The following PHRF1 variants were observed in gnomAD, a reference collection of about 807,000 sequenced individuals.
The protein encoded by PHRF1 is PHD and RING finger domain-containing protein 1.
A neutral mutation model predicts 128.9 loss-of-function variants in PHRF1; 53 were observed. The observed-to-expected ratio is 0.41, with a 90% CI of 0.33 to 0.52. The LOEUF (loss-of-function observed/expected upper bound fraction) is 0.52, where lower values mean the gene tolerates loss of function less well. PHRF1 is among the 20% of genes least tolerant of loss of function. PHRF1 has a pLI of 0.21. For synonymous variants in PHRF1, 1,178 were observed against 980.6 expected, an observed-to-expected ratio of 1.20 and a Z score of -3.76; for missense variants, 2,503 against 2,284.5, an observed-to-expected ratio of 1.10 and a Z score of -1.95.
chr11:599,338 C>G (rs1367251812), intron 9 of PHRF1, among the ~76,000 whole-genome samples: 2 of 150,008 alleles, frequency 1.3e-5, no homozygotes, highest in Admixed American at 6.7e-5. Context: ...GCATCCTCCA[C>G]CTTCCGGGTT....
intron 13 of PHRF1, 95 bp from the exon 14 acceptor site, chr11:606,971 G>T: frequency 6.7e-7 from 1 of 1,502,710 alleles, no homozygotes; most frequent in Non-Finnish European, 8.9e-7. Context: ...TAAAGCGCAC[G>T]ACCTCACAGA....
Position 608,416 on chromosome 11 carries a change from T to C in PHRF1, c.2960T>C (p.Leu987Pro). 6.2e-7 allele frequency: 1 copy of C among 1,611,390 alleles called. No individual in the cohort carries two copies. Among genetic ancestry groups the C allele is most frequent in the East Asian group, 2.2e-5 (1 of 44,836 alleles). The change falls in exon 14 of 18, where the codon CTC (leucine) becomes CCC (proline). Residue 987 changes from leucine to proline, a missense_variant. By Grantham distance (98) the Leu-to-Pro change is moderately conservative. Coordinates refer to ENST00000264555, the MANE Select transcript of PHRF1 (RefSeq NM_001286581.2). ...GCTGCCACCCACAGAGTCGTGGAGC[T>C]CAGGCCCCCTTCCCGGTCCCGCTCC... ...LQAATHRVVELRPPSRSRSTS... is the reference protein window; with the variant it reads ...LQAATHRVVEPRPPSRSRSTS...
At chr11:580,957 G>A (rs1406851108) in intron 1 of PHRF1, among the ~76,000 whole-genome samples, 2 of 152,052 alleles carry the variant, frequency 1.3e-5, no homozygotes, top group Non-Finnish European at 2.9e-5. Context: ...TCAAAGTGCT[G>A]GGGTTACAGG....
chr11:598,108 C>T (rs897868654), intron 8 of PHRF1, among the ~76,000 whole-genome samples: 1 of 152,194 alleles, frequency 6.6e-6, no homozygotes, highest in Non-Finnish European at 1.5e-5. Flanking sequence ...CCAGTACCTG[C>T]GCCACCCCCG....
At position 597,042 on chromosome 11, in the gene PHRF1, C is replaced by G. The variant is rs1440043055; in HGVS notation, c.718+22C>G. 40 of 1,610,354 alleles carry G rather than the reference C, an allele frequency of 2.5e-5. No homozygotes were observed. The highest frequency in any genetic ancestry group is 3.4e-5 in the Non-Finnish European group (40 of 1,177,166). ...GCTGGTAAGGACACTGCTCCCGTCC[C>G]AAGGCGCACATGGGCCTTCTCACTG... On this transcript the variant is annotated intron_variant, in intron 7 of 17. Transcript: ENST00000264555. The surrounding 1 kb of genome is among the most constrained non-coding windows in gnomAD (Gnocchi z 6.5).
intron 3 of PHRF1, among the ~76,000 whole-genome samples, chr11:583,431 C>A (rs1381437667): frequency 6.6e-6 from 1 of 151,628 alleles, no homozygotes; most frequent in African/African-American, 2.4e-5. Flanking sequence ...GTTGGAGGAT[C>A]GCTTGAGCCC....
Position 597,839 on chromosome 11 carries a change from C to T in PHRF1, c.894+269C>T, listed in dbSNP as rs1008924342. ...GCGGGGTGGGGGCTCTAGGAAACCCCCCTTGTTCCCCAGGCCCCATGCCAG... is the reference window on the plus strand; with the variant it reads ...GCGGGGTGGGGGCTCTAGGAAACCCTCCTTGTTCCCCAGGCCCCATGCCAG... On this transcript the variant is annotated intron_variant, in intron 8 of 17. Transcript: ENST00000264555. This position sits in a 1 kb window ranked among gnomAD's most constrained non-coding sequence, Gnocchi z 6.5. Among the ~76,000 whole-genome samples, 1 of 152,124 alleles carries T rather than the reference C, an allele frequency of 6.6e-6. No individual in the cohort carries two copies. The highest frequency in any genetic ancestry group is 1.5e-5 in the Non-Finnish European group (1 of 67,992).
chr11:599,936 T>C (rs898052201), intron 9 of PHRF1, among the ~76,000 whole-genome samples: 3 of 152,230 alleles, frequency 2.0e-5, no homozygotes, highest in Admixed American at 6.5e-5. Flanking sequence ...TTTTTTATTA[T>C]TGAGAAATAT....
At chr11:590,781 G>A (rs1477612068) in intron 4 of PHRF1, among the ~76,000 whole-genome samples, 2 of 152,090 alleles carry the variant, frequency 1.3e-5, no homozygotes, top group African/African-American at 4.8e-5. Context: ...TCGGCTCACC[G>A]CAACCTCAGC....
chr11:579,066 C>T (rs1027486727), intron 1 of PHRF1, among the ~76,000 whole-genome samples: 3 of 152,182 alleles, frequency 2.0e-5, no homozygotes, highest in Non-Finnish European at 2.9e-5. Context: ...TCTTGAACTA[C>T]GGAGCTCAGG....
At chr11:585,119 A>G (rs904439687) in intron 3 of PHRF1, among the ~76,000 whole-genome samples, 3 of 152,204 alleles carry the variant, frequency 2.0e-5, no homozygotes, top group Admixed American at 6.5e-5. Flanking sequence ...TTATTCCACG[A>G]GCAACACCCA....
rs1856041847 is a variant in PHRF1 at position 607,719 on chromosome 11, T to G, written c.2263T>G (p.Ser755Ala). Residue 755 changes from serine (S) to alanine (A), a missense_variant, in exon 14 of 18, where the codon TCC becomes GCC. By Grantham distance (99) the Ser-to-Ala change is moderately conservative. Coordinates refer to ENST00000264555, the MANE Select transcript of PHRF1 (RefSeq NM_001286581.2). ...TGSSRPPAPS[S>A]HGSLAPLGPS... is the part of the protein sequence containing the mutation. ...CAGCTCCCGGCCCCCAGCCCCCAGC[T>G]CCCATGGCAGTTTGGCCCCACTGGG... The G allele has an allele frequency of 6.2e-7, 1 of 1,611,368 alleles. No individual in the cohort carries two copies. The highest frequency in any genetic ancestry group is 1.7e-5 in the Admixed American group (1 of 59,936).
At position 597,508 on chromosome 11, in the gene PHRF1, C is replaced by CAGAGTGAG; in HGVS notation, c.843_850dup (p.Ala284GlufsTer2). 1 of 1,612,622 alleles carries CAGAGTGAG rather than the reference C, an allele frequency of 6.2e-7. No individual in the cohort carries two copies. Among genetic ancestry groups the CAGAGTGAG allele is most frequent in the Non-Finnish European group, 8.5e-7 (1 of 1,179,564 alleles). On this transcript the variant is annotated frameshift_variant, in exon 8 of 18. Transcript: ENST00000264555. LOFTEE classifies it high-confidence loss of function. The surrounding 1 kb of genome is among the most constrained non-coding windows in gnomAD (Gnocchi z 6.5). ...GACCCGGGCGATAGCCAGGACACGGCAGAGTGAGAGAGTGAGAGCAACCGT... is the reference window on the plus strand; with the variant it reads ...GACCCGGGCGATAGCCAGGACACGGCAGAGTGAGAGAGTGAGAGAGTGAGAGCAACCGT...
rs748182310 is a variant in PHRF1 at position 601,684 on chromosome 11, A to C, written c.1135A>C (p.Arg379=). The C allele has an allele frequency of 6.2e-7, 1 of 1,613,884 alleles. No homozygotes were observed. Among genetic ancestry groups the C allele is most frequent in the Non-Finnish European group, 8.5e-7 (1 of 1,179,870 alleles). Residue 379 remains arginine, a synonymous_variant, in exon 10 of 18, where the codon AGA becomes CGA. Coordinates refer to ENST00000264555, the MANE Select transcript of PHRF1 (RefSeq NM_001286581.2). ...KKRQHRVKKR[R]GKKVKSEATT... The stretch of plus-strand genomic sequence containing the variant: ...ACGCCAACATCGAGTGAAGAAGAGA[A>C]GAGGGAAGAAGGTAAAGGTGAGCAT...
At position 591,422 on chromosome 11, in the gene PHRF1, G is replaced by A; in HGVS notation, c.459G>A (p.Lys153=). The A allele has an allele frequency of 6.2e-7, 1 of 1,609,994 alleles. No individual in the cohort carries two copies. The highest frequency in any genetic ancestry group is 8.5e-7 in the Non-Finnish European group (1 of 1,178,382). Residue 153 remains lysine, a synonymous_variant, in exon 5 of 18, where the codon AAG becomes AAA. Coordinates refer to ENST00000264555, the MANE Select transcript of PHRF1 (RefSeq NM_001286581.2). Reference sequence around the variant, plus strand: ...GTCCAGTTGATCGAACTCTATTTAAGTGCATTTGTATTCGAGCTCAATTTG... The same window carrying A: ...GTCCAGTTGATCGAACTCTATTTAAATGCATTTGTATTCGAGCTCAATTTG... The part of the protein sequence containing the change: ...NSCPVDRTLF[K]CICIRAQFGG...
chr11:587,183 C>T (rs1376084637), intron 3 of PHRF1, 76 bp from the exon 4 acceptor site: 2 of 1,446,934 alleles, frequency 1.4e-6, no homozygotes, highest in Non-Finnish European at 1.9e-6. Context: ...TGAGCGCAGC[C>T]TGGGCCCGCT....
chr11:609,810 G>A, intron 14 of PHRF1, 90 bp downstream of exon 14: 1 of 860,732 alleles, frequency 1.2e-6, no homozygotes, highest in Non-Finnish European at 1.6e-6. Context: ...CGTGAGTAAG[G>A]CCCCGGCCTC....
At position 609,422 on chromosome 11, in the gene PHRF1, G is replaced by A. The variant is rs1444584838; in HGVS notation, c.3966G>A (p.Glu1322=). 1.2e-6 allele frequency: 2 copies of A among 1,609,354 alleles called. No homozygotes were observed. The highest frequency in any genetic ancestry group is 1.7e-6 in the Non-Finnish European group (2 of 1,179,822). The change falls in exon 14 of 18, where the codon GAG becomes GAA. Residue 1322 remains glutamate (E), a synonymous_variant. Coordinates refer to ENST00000264555, the MANE Select transcript of PHRF1 (RefSeq NM_001286581.2). ...TGGCCGTGGCCGCCATCCAGAGGGA[G>A]GTGTCATTGATGCACGATGAAGACC... ...ASLAVAAIQR[E]VSLMHDEDPS...
intron 9 of PHRF1, among the ~76,000 whole-genome samples, chr11:600,164 C>G (rs954763098): frequency 1.3e-5 from 2 of 151,532 alleles, no homozygotes; most frequent in Non-Finnish European, 2.9e-5. Flanking sequence ...TGTAAGATAT[C>G]TAATGGTGCA....
Sources: allele counts gnomAD v4.1 joint callset (sites outside exome capture counted in the v4.1 genomes callset), GRCh38; gene constraint gnomAD v4.1.1; non-coding constraint Gnocchi (gnomAD v3.1); transcripts MANE v1.5; gene names NCBI Gene and HGNC (gene_info 2026-07-23, HGNC 2026-07-21).